Variants in NBPF8 observed in about 807,000 individuals in gnomAD.
NBPF8 encodes NBPF family member NBPF8.
At chr1:120,420,759 T>C (rs11488526) in intron 1 of NBPF8, among the ~76,000 whole-genome samples, 57,598 of 130,230 alleles carry the variant, frequency 0.44, 14,625 homozygotes, top group African/African-American at 0.65. Context: ...GTGGTGGATG[T>C]CTTCTTTCAC....
At chr1:120,421,363 C>A (rs1220327443) in intron 1 of NBPF8, among the ~76,000 whole-genome samples, 3 of 151,834 alleles carry the variant, frequency 2.0e-5, no homozygotes, top group African/African-American at 7.3e-5. Context: ...TCCTTCCTTC[C>A]TTCCCTACTT....
intron 3 of NBPF8, among the ~76,000 whole-genome samples, chr1:120,431,252 C>CGTGTGT (rs1173094212): frequency 1.6e-5 from 2 of 125,300 alleles, no homozygotes; most frequent in East Asian, 2.2e-4. Flanking sequence ...CACACACAAA[C>CGTGTGT]GTGTGTGTGT....
At chr1:120,421,528 C>A (rs1660577682) in intron 1 of NBPF8, among the ~76,000 whole-genome samples, 1 of 150,454 alleles carries the variant, frequency 6.6e-6, no homozygotes, top group East Asian at 2.0e-4. Context: ...TCCTTCCTCC[C>A]TTCCTCCTTC....
chr1:120,452,071 A>G, intron 12 of NBPF8, 46 bp from the exon 11 acceptor site: 1 of 1,418,386 alleles, frequency 7.1e-7, no homozygotes, highest in Non-Finnish European at 1.0e-6. Context: ...TGAGCGGATC[A>G]CTCAACCCTT....
At position 120,430,520 on chromosome 1, in the gene NBPF8, C is replaced by T. The variant is rs1249197898; in HGVS notation, n.510+2673C>T. Among the ~76,000 whole-genome samples the T allele has an allele frequency of 5.9e-5, 7 of 118,476 alleles. No individual in the cohort carries two copies. The South Asian group carries it at 7.0e-4, about 12-fold the overall frequency. The allele number at this position is 118,476 out of a possible 152,430, so 77.7% of individuals were successfully genotyped here. On this transcript the variant is annotated intron_variant and non_coding_transcript_variant, in intron 3 of 28. Transcript: ENST00000652355. ...CTGTAATCTCAGCACTTTGGGAGGCCGAGGTGGGCAGATCATGAGGTCAGG... is the reference window on the plus strand; with the variant it reads ...CTGTAATCTCAGCACTTTGGGAGGCTGAGGTGGGCAGATCATGAGGTCAGG...
upstream of NBPF8, among the ~76,000 whole-genome samples, chr1:120,434,431 G>A (rs1553247502): frequency 1.4e-5 from 2 of 141,630 alleles, no homozygotes; most frequent in African/African-American, 5.3e-5. Flanking sequence ...ATATATATAC[G>A]TGTGCCATGT....
chr1:120,434,375 G>T (rs1337166094), upstream of NBPF8, among the ~76,000 whole-genome samples: 1 of 143,906 alleles, frequency 6.9e-6, no homozygotes, highest in African/African-American at 2.6e-5. Context: ...GTGTATACAG[G>T]TATATATGTA....
exon 1 of NBPF8, chr1:120,436,419 A>G: frequency 8.3e-7 from 1 of 1,206,636 alleles, no homozygotes. Flanking sequence ...GACATCCCTC[A>G]GTCCTGATTA....
At chr1:120,433,058 G>A (rs1445335216), upstream of NBPF8, 4 of 152,284 alleles carry the variant, frequency 2.6e-5, no homozygotes, top group East Asian at 1.9e-4. Flanking sequence ...AAAGCAATTG[G>A]TGAGAAAAAT....
upstream of NBPF8, among the ~76,000 whole-genome samples, chr1:120,431,394 A>C (rs1353773224): frequency 4.1e-5 from 3 of 72,838 alleles, no homozygotes; most frequent in Non-Finnish European, 6.2e-5. Flanking sequence ...ATATATATAT[A>C]TATATATACA....
At chr1:120,467,962 G>GT (rs1570948951), downstream of NBPF8, among the ~76,000 whole-genome samples, 69 of 149,922 alleles carry the variant, frequency 4.6e-4, no homozygotes, top group East Asian at 0.01. Flanking sequence ...GTGTGTGTGT[G>GT]CGTGTGTGTG....
chr1:120,465,639 C>T (rs1661719671), intron 24 of NBPF8, among the ~76,000 whole-genome samples: 2 of 148,010 alleles, frequency 1.4e-5, no homozygotes, highest in African/African-American at 2.6e-5. Context: ...TTATGGAAAA[C>T]TATTGAGCTC....
intron 22 of NBPF8, 66 bp from the exon 21 acceptor site, chr1:120,464,309 AC>A: frequency 1.4e-6 from 1 of 717,464 alleles, no homozygotes; most frequent in African/African-American, 2.2e-5. Flanking sequence ...TACCCATGAA[AC>A]CTATTTGGGG....
intron 23 of NBPF8, among the ~76,000 whole-genome samples, 197 bp downstream of exon 21, chr1:120,464,745 T>C (rs1472078144): frequency 2.1e-5 from 3 of 145,496 alleles, no homozygotes; most frequent in Admixed American, 2.1e-4. Context: ...CAAGACTCTC[T>C]TCCTAGTCTC....
rs1166925356 is a variant in NBPF8 at position 120,422,804 on chromosome 1, G to T, written n.269+2686G>T. ...TTCCTCATCTTCGACAGCATTTGGT[G>T]TGTTCACCGTTTTGTGTTTTAGCCA... On this transcript the variant is annotated intron_variant and non_coding_transcript_variant, in intron 1 of 28. Transcript: ENST00000652355. 7.3e-5 allele frequency among the ~76,000 whole-genome samples: 8 copies of T among 108,994 alleles called. 3 individuals are homozygous for T. The highest frequency in any genetic ancestry group is 3.7e-5 in the Non-Finnish European group (2 of 53,760). The allele number at this position is 108,994 out of a possible 152,430, so 71.5% of individuals were successfully genotyped here. A position where few individuals can be genotyped will look rare whatever the true frequency, so the allele number is the denominator to read the frequency against.
chr1:120,421,088 G>A (rs1302685870), intron 1 of NBPF8, among the ~76,000 whole-genome samples: 2 of 150,952 alleles, frequency 1.3e-5, no homozygotes, highest in African/African-American at 4.9e-5. Context: ...GCGGCCTGGT[G>A]TTCTGGGATC....
intron 13 of NBPF8, among the ~76,000 whole-genome samples, chr1:120,452,615 G>C (rs1306988023): frequency 2.0e-5 from 3 of 152,264 alleles, no homozygotes; most frequent in African/African-American, 7.2e-5. Context: ...TGCGATGGGA[G>C]CAGGCTTGTT....
At chr1:120,467,721 TA>T (rs1661778256) in exon 25 of NBPF8, 1 of 152,004 alleles carries the variant, frequency 6.6e-6, no homozygotes, top group Admixed American at 6.6e-5. Context: ...TCTATACAAT[TA>T]AAACCTTTTG....
Position 120,453,248 on chromosome 1 carries a change from A to T in NBPF8, n.2290-124A>T. 5.6e-6 allele frequency: 3 copies of T among 539,504 alleles called. No homozygotes were observed. In the South Asian group the frequency reaches 5.9e-5, roughly 11 times the overall value. The allele number at this position is 539,504 out of a possible 1,614,324, so 33.4% of individuals were successfully genotyped here. On this transcript the variant is annotated intron_variant and non_coding_transcript_variant, in intron 13 of 24. Coordinates refer to ENST00000583271, the Ensembl canonical transcript of NBPF8. ...CAGGGCATTCTGTTAAAGATAAAACATGAGAGTTTTCAGTTGAACGGTGAC... is the reference window on the plus strand; with the variant it reads ...CAGGGCATTCTGTTAAAGATAAAACTTGAGAGTTTTCAGTTGAACGGTGAC...
Sources: allele counts gnomAD v4.1 joint callset (sites outside exome capture counted in the v4.1 genomes callset), GRCh38; gene constraint gnomAD v4.1.1; transcripts MANE v1.5; gene names NCBI Gene and HGNC (gene_info 2026-07-23, HGNC 2026-07-21).